CELF4: variants seen among roughly 807,000 people sequenced by gnomAD.
CELF4 encodes CUGBP Elav-like family member 4, also known as CUG-BP- and ETR-3-like factor 4.
In CELF4, 18 loss-of-function variants were observed where a neutral mutation model predicts 59.9. That is an observed-to-expected ratio of 0.30 (90% confidence interval 0.21 to 0.45). CELF4 has a LOEUF of 0.45. Among genes scored for constraint, CELF4 ranks in the 20% least tolerant of loss-of-function variants. The pLI, the probability that CELF4 is intolerant of heterozygous loss-of-function variation, is 1.00. For missense variants in CELF4, 456 were observed against 689.0 expected, an observed-to-expected ratio of 0.66 and a Z score of 3.79; for synonymous variants, 261 against 267.1, an observed-to-expected ratio of 0.98 and a Z score of 0.22.
chr18:37,353,917 A>G (rs1340705377), intron 2 of CELF4, among the ~76,000 whole-genome samples: 1 of 151,554 alleles, frequency 6.6e-6, no homozygotes, highest in Non-Finnish European at 1.5e-5. Context: ...CCACACGCCC[A>G]GCTAATTTTT....
chr18:37,362,046 C>T (rs936557586), intron 2 of CELF4, among the ~76,000 whole-genome samples: 5 of 152,074 alleles, frequency 3.3e-5, no homozygotes, highest in Middle Eastern at 3.2e-3. Context: ...GGGTCCGGCC[C>T]GTGCTGATGG....
At chr18:37,258,604 G>A (rs1038789890) in intron 11 of CELF4, among the ~76,000 whole-genome samples, 3 of 152,172 alleles carry the variant, frequency 2.0e-5, no homozygotes, top group Admixed American at 6.5e-5. Flanking sequence ...GGGCAGGAGG[G>A]GAGCAAAAAG....
intron 3 of CELF4, among the ~76,000 whole-genome samples, chr18:37,314,936 C>T (rs1022556435): frequency 2.6e-5 from 4 of 152,204 alleles, no homozygotes; most frequent in African/African-American, 9.6e-5. Context: ...CCGGGCCTCA[C>T]TTGCCACAGC....
intron 2 of CELF4, among the ~76,000 whole-genome samples, chr18:37,411,527 G>T (rs2099457758): frequency 6.6e-6 from 1 of 152,210 alleles, no homozygotes; most frequent in Non-Finnish European, 1.5e-5. Flanking sequence ...AGGCCATGGG[G>T]TGACTTATTC....
chr18:37,436,162 GA>G (rs1274935725), intron 2 of CELF4, among the ~76,000 whole-genome samples: 1 of 152,236 alleles, frequency 6.6e-6, no homozygotes, highest in Non-Finnish European at 1.5e-5. Context: ...CAGCCAGGGA[GA>G]AAAATTAACC....
Position 37,563,579 on chromosome 18 carries a change from G to C in CELF4, c.286+1777C>G, listed in dbSNP as rs150136151. 3.3e-3 allele frequency among the ~76,000 whole-genome samples: 502 copies of C among 152,184 alleles called. 1 individual carries two copies. The highest frequency in any genetic ancestry group is 0.011 in the African/African-American group (468 of 41,516). On this transcript the variant is annotated intron_variant, in intron 1 of 12. Transcript: ENST00000420428. Reference sequence around the variant, plus strand: ...ATGGTTGACTTGAGAGGGAGGGGGGGAAAAAGAAAGTGTTTTCTTTTTTTC... The same window carrying C: ...ATGGTTGACTTGAGAGGGAGGGGGGCAAAAAGAAAGTGTTTTCTTTTTTTC...
chr18:37,263,033 T>C (rs1416137996), intron 10 of CELF4, among the ~76,000 whole-genome samples: 1 of 152,120 alleles, frequency 6.6e-6, no homozygotes, highest in Non-Finnish European at 1.5e-5. Context: ...GTATGCCTCA[T>C]GCACAGCCTT....
At chr18:37,514,528 G>C (rs901269097) in intron 1 of CELF4, among the ~76,000 whole-genome samples, 1 of 152,158 alleles carries the variant, frequency 6.6e-6, no homozygotes, top group Non-Finnish European at 1.5e-5. Context: ...CCCCCTTGAA[G>C]AGCAAAGCAG....
chr18:37,489,403 G>A (rs2099892405), intron 1 of CELF4, among the ~76,000 whole-genome samples: 1 of 152,206 alleles, frequency 6.6e-6, no homozygotes, highest in Non-Finnish European at 1.5e-5. Flanking sequence ...TGAGAGGCCT[G>A]TGGTGGAGAA....
chr18:37,359,608 C>G (rs768866593), intron 2 of CELF4, among the ~76,000 whole-genome samples: 15 of 152,314 alleles, frequency 9.8e-5, no homozygotes, highest in Non-Finnish European at 2.1e-4. Context: ...TCCCAGAGTG[C>G]TGGAATTATA....
At chr18:37,425,944 G>A (rs2099609436) in intron 2 of CELF4, among the ~76,000 whole-genome samples, 1 of 152,242 alleles carries the variant, frequency 6.6e-6, no homozygotes, top group Admixed American at 6.5e-5. Flanking sequence ...GGGAGGGAGA[G>A]GCTTCTCTGC....
At chr18:37,327,516 A>G (rs986627355) in intron 2 of CELF4, among the ~76,000 whole-genome samples, 41 of 152,244 alleles carry the variant, frequency 2.7e-4, no homozygotes, top group African/African-American at 9.9e-4. Flanking sequence ...TCTGCCACCA[A>G]AGGAGGGGAA....
intron 2 of CELF4, among the ~76,000 whole-genome samples, chr18:37,466,196 C>A (rs1190901046): frequency 6.6e-6 from 1 of 152,234 alleles, no homozygotes; most frequent in Non-Finnish European, 1.5e-5. Context: ...CGGAGCTGAG[C>A]TCCCTGAAGA....
intron 2 of CELF4, among the ~76,000 whole-genome samples, chr18:37,361,622 G>T (rs2098704182): frequency 6.6e-6 from 1 of 152,182 alleles, no homozygotes; most frequent in Non-Finnish European, 1.5e-5. Context: ...AGCAGTGCCT[G>T]GGCCCCACCC....
At chr18:37,343,436 T>C (rs2098129496) in intron 2 of CELF4, among the ~76,000 whole-genome samples, 1 of 149,758 alleles carries the variant, frequency 6.7e-6, no homozygotes, top group African/African-American at 2.5e-5. Flanking sequence ...GGCTCCAAAA[T>C]CCTGAAATCT....
chr18:37,274,255 T>C (rs1471104311), intron 6 of CELF4, 56 bp downstream of exon 6: 8 of 1,594,254 alleles, frequency 5.0e-6, no homozygotes, highest in Admixed American at 3.7e-5. Context: ...TCCCGCTCTC[T>C]GAGGCTCCCA....
intron 1 of CELF4, among the ~76,000 whole-genome samples, chr18:37,512,001 A>AAAAG (rs1189957528): frequency 2.0e-5 from 3 of 152,142 alleles, no homozygotes; most frequent in Non-Finnish European, 1.5e-5. Flanking sequence ...AGAATTTAAA[A>AAAAG]AAAGAAAGAA....
intron 2 of CELF4, among the ~76,000 whole-genome samples, chr18:37,343,058 T>A (rs3889769): frequency 6.6e-6 from 1 of 152,050 alleles, no homozygotes; most frequent in African/African-American, 2.4e-5. Flanking sequence ...TGGAAGGGTG[T>A]GCACCGTGTG....
downstream of CELF4, among the ~76,000 whole-genome samples, chr18:37,242,865 A>T (rs1217991156): frequency 6.6e-6 from 1 of 151,842 alleles, no homozygotes; most frequent in Non-Finnish European, 1.5e-5. Flanking sequence ...GTGGAACAGG[A>T]CCTCCTTTTA....
Sources: allele counts gnomAD v4.1 joint callset (sites outside exome capture counted in the v4.1 genomes callset), GRCh38; gene constraint gnomAD v4.1.1; transcripts MANE v1.5; gene names NCBI Gene and HGNC (gene_info 2026-07-23, HGNC 2026-07-21).